BRCA2: variants seen among roughly 807,000 people sequenced by gnomAD.
The protein encoded by BRCA2 is BRCA2 DNA repair associated, also known as breast cancer type 2 susceptibility protein.
Under a neutral mutation model 276.7 loss-of-function variants are expected in BRCA2, and 203 were observed. The observed-to-expected ratio is 0.73, with a 90% confidence interval of 0.65 to 0.82. The LOEUF (loss-of-function observed/expected upper bound fraction) is 0.82. BRCA2 is among the 40% of genes least tolerant of loss of function. The probability of loss-of-function intolerance (pLI) is 0.00; values close to 1 mark genes in which losing one functional copy is unlikely to be tolerated. For synonymous variants in BRCA2, 1,289 were observed against 1,338.4 expected (o/e 0.96, Z 0.81); for missense variants, 3,920 against 3,915.0 (o/e 1.00, Z -0.03).
intron 26 of BRCA2, 92 bp from the exon 27 acceptor site, chr13:32,398,070 G>A (rs538696265): frequency 3.2e-5 from 44 of 1,378,146 alleles, no homozygotes; most frequent in East Asian, 6.9e-5. Flanking sequence ...TAATATTTGC[G>A]TGCTTAAATA....
intron 24 of BRCA2, among the ~76,000 whole-genome samples, chr13:32,391,693 A>T (rs1193884469): frequency 6.6e-6 from 1 of 152,262 alleles, no homozygotes; most frequent in African/African-American, 2.4e-5. Flanking sequence ...GCAAGTTCAG[A>T]GTAGGCCAGA....
chr13:32,380,792 G>A lies in BRCA2; in HGVS notation c.9256+647G>A, dbSNP rs534438045. ...CCTGACCTCGTGATCTACCAGCCTC[G>A]GCCTCCCAAAGTGCTGGGATTACAG... is the stretch of plus-strand genomic sequence containing the variant. On this transcript the variant is annotated intron_variant, in intron 24 of 26. Transcript: ENST00000380152. Among the ~76,000 whole-genome samples, 31 of 151,666 alleles carry A rather than the reference G, an allele frequency of 2.0e-4. 1 individual carries two copies. The South Asian group carries it at 4.0e-3, about 19-fold the overall frequency.
In BRCA2 at chr13:32,332,552, G is replaced by T. The variant is rs276174805; in HGVS notation, c.1074G>T (p.Val358=). The part of the protein sequence containing the change: ...VKEKYSFVSE[V]EPNDTDPLDS... ...AAAAATACTCATTTGTATCTGAAGT[G>T]GAACCAAATGATACTGATCCATTAG... Residue 358 remains valine, a synonymous_variant, in exon 10 of 27, where the codon GTG becomes GTT. Transcript: ENST00000380152. 3 of 1,612,718 alleles carry T rather than the reference G, an allele frequency of 1.9e-6. No individual in the cohort carries two copies. The highest frequency in any genetic ancestry group is 1.7e-6 in the Non-Finnish European group (2 of 1,179,502).
At chr13:32,346,386 G>A (rs1419679561) in intron 12 of BRCA2, among the ~76,000 whole-genome samples, 1 of 151,898 alleles carries the variant, frequency 6.6e-6, no homozygotes, top group Non-Finnish European at 1.5e-5. Flanking sequence ...CATAGTAGTT[G>A]ATCATCTGGC....
Position 32,337,315 on chromosome 13 carries a change from A to G in BRCA2, c.2960A>G (p.Asn987Ser), listed in dbSNP as rs2227944. The G allele has an allele frequency of 1.2e-6, 2 of 1,613,216 alleles. No individual in the cohort carries two copies. The highest frequency in any genetic ancestry group is 1.7e-5 in the Admixed American group (1 of 59,902). The change falls in exon 11 of 27, where the codon AAT becomes AGT. Residue 987 changes from asparagine (N) to serine (S), a missense_variant. Physicochemically the swap from Asn to Ser is conservative, Grantham distance 46 (BLOSUM62 1). Around this residue, in one of 2 missense-constraint regions of BRCA2, gnomAD observed 3,263 missense variants for 3,156.9 expected, o/e 1.03. Coordinates refer to ENST00000380152, the MANE Select transcript of BRCA2 (RefSeq NM_000059.4). ...LNIDKIPEKN[N>S]DYMNKWAGLL... is the part of the protein sequence containing the mutation. Reference sequence around the variant, plus strand: ...ATAGATAAAATACCAGAAAAAAATAATGATTACATGAACAAATGGGCAGGA... The same window carrying G: ...ATAGATAAAATACCAGAAAAAAATAGTGATTACATGAACAAATGGGCAGGA...
At chr13:32,377,149 A>G (rs2072879401) in intron 21 of BRCA2, among the ~76,000 whole-genome samples, 1 of 152,228 alleles carries the variant, frequency 6.6e-6, no homozygotes, top group African/African-American at 2.4e-5. Flanking sequence ...CCATGTTCTT[A>G]GCTGTTTCTC....
intron 20 of BRCA2, among the ~76,000 whole-genome samples, chr13:32,372,996 CTT>C (rs35596121): frequency 9.7e-5 from 14 of 144,502 alleles, no homozygotes; most frequent in East Asian, 2.1e-4. Context: ...ATCAATGAAT[CTT>C]TTTTTTTTTT....
intron 18 of BRCA2, among the ~76,000 whole-genome samples, chr13:32,368,809 G>T (rs201089111): frequency 7.5e-5 from 10 of 132,838 alleles, no homozygotes; most frequent in African/African-American, 1.1e-4. Context: ...TTTTTTTTTT[G>T]GTTTTTTTTG....
At chr13:32,387,859 G>A (rs1158171407) in intron 24 of BRCA2, among the ~76,000 whole-genome samples, 10 of 152,064 alleles carry the variant, frequency 6.6e-5, no homozygotes, top group Admixed American at 3.3e-4. Flanking sequence ...CTGTAATCAC[G>A]TGAATTGCTT....
At chr13:32,393,709 G>T (rs1006573249) in intron 24 of BRCA2, among the ~76,000 whole-genome samples, 2 of 152,048 alleles carry the variant, frequency 1.3e-5, no homozygotes, top group African/African-American at 4.8e-5. Flanking sequence ...TTACTTTACT[G>T]TGGAGGCATC....
At position 32,362,685 on chromosome 13, in the gene BRCA2, A is replaced by G. The variant is rs1405231444; in HGVS notation, c.7968A>G (p.Leu2656=). 6.2e-7 allele frequency: 1 copy of G among 1,614,046 alleles called. No homozygotes were observed. Among genetic ancestry groups the G allele is most frequent in the East Asian group, 2.2e-5 (1 of 44,882 alleles). The change falls in exon 17 of 27, where the codon CTA becomes CTG. Residue 2656 remains leucine (L), a synonymous_variant. Coordinates refer to ENST00000380152, the MANE Select transcript of BRCA2 (RefSeq NM_000059.4). ...GCCCAGAAAGGGTGCTTCTTCAACT[A>G]AAATACAGGCAAGTTTAAAGCATTA... The part of the protein sequence containing the change: ...CLSPERVLLQ[L]KYRYDTEIDR...
intron 3 of BRCA2, among the ~76,000 whole-genome samples, chr13:32,322,629 A>G (rs1393049553): frequency 4.6e-5 from 7 of 152,222 alleles, no homozygotes; most frequent in Middle Eastern, 3.2e-3. Flanking sequence ...CGGTAAACCC[A>G]CAAGCTTCCA....
Position 32,398,469 on chromosome 13 carries a change from C to T in BRCA2, c.9956C>T (p.Ser3319Phe), listed in dbSNP as rs778694116. The change falls in exon 27 of 27, where the codon TCT becomes TTT. Residue 3319 changes from serine (S) to phenylalanine (F), a missense_variant. Physicochemically the swap from Ser to Phe is radical, Grantham distance 155. This residue lies in a region of BRCA2 where 657 missense variants were observed against 758.2 expected (regional missense o/e 0.87). Transcript: ENST00000380152. ...ETPIKKKELN[S>F]PQMTPFKKFN... ...CCCATAAAGAAAAAAGAACTGAATT[C>T]TCCTCAGATGACTCCATTTAAAAAA... 1 of 1,614,150 alleles carries T rather than the reference C, an allele frequency of 6.2e-7. No homozygotes were observed. The highest frequency in any genetic ancestry group is 1.3e-5 in the African/African-American group (1 of 75,054).
At chr13:32,320,485 T>C (rs1266586586) in intron 3 of BRCA2, among the ~76,000 whole-genome samples, 2 of 152,212 alleles carry the variant, frequency 1.3e-5, no homozygotes, top group Non-Finnish European at 2.9e-5. Flanking sequence ...ATTAAACATA[T>C]TGTTACCTCT....
chr13:32,381,072 A>G (rs2072921795), intron 24 of BRCA2, among the ~76,000 whole-genome samples: 2 of 152,094 alleles, frequency 1.3e-5, no homozygotes, highest in Non-Finnish European at 2.9e-5. Context: ...AGTAAGCCAC[A>G]TTGTTCCCAT....
At chr13:32,324,436 C>T (rs1001041687) in intron 3 of BRCA2, among the ~76,000 whole-genome samples, 1 of 152,092 alleles carries the variant, frequency 6.6e-6, no homozygotes, top group African/African-American at 2.4e-5. Flanking sequence ...TAAATTGTCA[C>T]ATAAATATAT....
chr13:32,394,996 C>G (rs2073026505), intron 25 of BRCA2, 63 bp downstream of exon 25: 4 of 1,597,462 alleles, frequency 2.5e-6, no homozygotes, highest in Non-Finnish European at 3.4e-6. Context: ...AGTCCAGTAT[C>G]AAGGAAATAG....
chr13:32,398,422 T>A lies in BRCA2; in HGVS notation c.9909T>A (p.Ser3303Arg). ...AAQKAFQPPRSCGTKYETPIK... is the reference protein window; with the variant it reads ...AAQKAFQPPRRCGTKYETPIK... The stretch of plus-strand genomic sequence containing the variant: ...AGAAGGCATTTCAGCCACCAAGGAG[T>A]TGTGGCACCAAATACGAAACACCCA... Residue 3303 changes from serine to arginine, a missense_variant, in exon 27 of 27, where the codon AGT becomes AGA. Transcript: ENST00000380152. 1 of 1,614,116 alleles carries A rather than the reference T, an allele frequency of 6.2e-7. No individual in the cohort carries two copies. Among genetic ancestry groups the A allele is most frequent in the Non-Finnish European group, 8.5e-7 (1 of 1,180,024 alleles).
At chr13:32,380,348 C>T (rs1277180620) in intron 24 of BRCA2, among the ~76,000 whole-genome samples, 1 of 151,972 alleles carries the variant, frequency 6.6e-6, no homozygotes, top group African/African-American at 2.4e-5. Flanking sequence ...CAAGTTACAT[C>T]CTAGTCTGTG....
Sources: allele counts gnomAD v4.1 joint callset (sites outside exome capture counted in the v4.1 genomes callset), GRCh38; gene constraint gnomAD v4.1.1; regional missense constraint gnomAD v4.1.1; transcripts MANE v1.5; gene names NCBI Gene and HGNC (gene_info 2026-07-23, HGNC 2026-07-21).